The following GLT8D2 variants were observed in gnomAD, a reference collection of about 807,000 sequenced individuals.
GLT8D2 encodes the protein glycosyltransferase 8 domain containing 2, also known as glycosyltransferase 8 domain-containing protein 2.
A neutral mutation model predicts 44.5 loss-of-function variants in GLT8D2; 45 were observed. The observed-to-expected ratio is 1.01, with a 90% CI of 0.80 to 1.30. GLT8D2 has a LOEUF of 1.30. Among genes scored for constraint, GLT8D2 ranks in the 50% most tolerant of loss-of-function variants. GLT8D2 has a pLI of 0.00. For synonymous variants in GLT8D2, 156 were observed against 157.2 expected (o/e 0.99, Z 0.06); for missense variants, 400 against 430.4 (o/e 0.93, Z 0.62).
At chr12:104,013,943 TG>T (rs146224516) in intron 4 of GLT8D2, among the ~76,000 whole-genome samples, 1,844 of 152,298 alleles carry the variant, frequency 0.012, 45 homozygotes, top group African/African-American at 0.042. Context: ...CTTGCTTTGT[TG>T]CCTAGGCTGG....
intron 8 of GLT8D2, among the ~76,000 whole-genome samples, chr12:103,994,704 C>T (rs1430977057): frequency 6.6e-6 from 1 of 152,148 alleles, no homozygotes. Flanking sequence ...AGTCTGAGTG[C>T]AGCACTAGTG....
At chr12:104,038,710 G>A (rs1285935653) in intron 1 of GLT8D2, among the ~76,000 whole-genome samples, 1 of 152,136 alleles carries the variant, frequency 6.6e-6, no homozygotes, top group East Asian at 1.9e-4. Flanking sequence ...CGTGAAAATG[G>A]CCATACTGCC....
chr12:104,020,087 A>T (rs969750286), intron 2 of GLT8D2, among the ~76,000 whole-genome samples: 3 of 151,624 alleles, frequency 2.0e-5, no homozygotes, highest in Admixed American at 6.6e-5. Flanking sequence ...ACCCAGCTAA[A>T]TTTTTTTTGT....
chr12:104,045,939 AAG>A (rs1226370186), intron 1 of GLT8D2, among the ~76,000 whole-genome samples: 8 of 113,770 alleles, frequency 7.0e-5, no homozygotes, highest in East Asian at 3.6e-4. Context: ...AAGAAAGAAA[AAG>A]AAAGAAAGAA....
chr12:104,045,530 G>A (rs974033538), intron 1 of GLT8D2, among the ~76,000 whole-genome samples: 1 of 152,172 alleles, frequency 6.6e-6, no homozygotes, highest in African/African-American at 2.4e-5. Flanking sequence ...CTGTGAGTAG[G>A]AAGAAAAGGA....
chr12:103,994,510 G>A lies in GLT8D2; in HGVS notation c.601-9C>T. ...TAGCCCATATATGTGTTCTGTAAGG[G>A]AACAGGATGTGCATGCTTTTGACCA... On this transcript the variant is annotated splice_polypyrimidine_tract_variant and intron_variant, in intron 8 of 10. Transcript: ENST00000360814. 8 of 1,596,410 alleles carry A rather than the reference G, an allele frequency of 5.0e-6. No individual in the cohort carries two copies. Among genetic ancestry groups the A allele is most frequent in the Non-Finnish European group, 6.0e-6 (7 of 1,171,410 alleles).
intron 3 of GLT8D2, among the ~76,000 whole-genome samples, chr12:104,016,810 A>AAG (rs1566199750): frequency 1.2e-4 from 16 of 136,650 alleles, no homozygotes; most frequent in African/African-American, 4.1e-4. Flanking sequence ...AAGGAAGGAA[A>AAG]GAAAGAAAGA....
chr12:103,994,032 ACT>A (rs1014061682), intron 9 of GLT8D2: 6 of 188,616 alleles, frequency 3.2e-5, no homozygotes, highest in Admixed American at 1.8e-4. Context: ...AGGAGGGGAA[ACT>A]CAACTAAGAT....
chr12:104,007,263 T>TCTCTCTCTCTCTCTCTCTCTCTCTCC (rs1240190332), intron 4 of GLT8D2, among the ~76,000 whole-genome samples: 1 of 147,076 alleles, frequency 6.8e-6, no homozygotes, highest in East Asian at 2.0e-4. Flanking sequence ...TCTCTCTCTC[T>TCTCTCTCTCTCTCTCTCTCTCTCTCC]CTCCCCCCGC....
chr12:104,010,257 C>A (rs960527597), intron 4 of GLT8D2, among the ~76,000 whole-genome samples: 1 of 152,196 alleles, frequency 6.6e-6, no homozygotes, highest in Non-Finnish European at 1.5e-5. Context: ...AGCCTCACCT[C>A]CTTCTATTTT....
chr12:103,996,838 T>A lies in GLT8D2; in HGVS notation c.497A>T (p.Gln166Leu), dbSNP rs1032803475. The change falls in exon 8 of 11, where the codon CAA becomes CTA. Residue 166 changes from glutamine to leucine, a missense_variant. Transcript: ENST00000360814. The part of the protein sequence containing the change: ...DDDVIVQGDI[Q>L]ELYDTTLALG... Reference sequence around the variant, plus strand: ...GGCCAAGGTGGTGTCATACAGTTCTTGGATATCACCTGAATTTAGAAACAC... The same window carrying A: ...GGCCAAGGTGGTGTCATACAGTTCTAGGATATCACCTGAATTTAGAAACAC... The A allele has an allele frequency of 6.2e-7, 1 of 1,611,298 alleles. No homozygotes were observed. Among genetic ancestry groups the A allele is most frequent in the Non-Finnish European group, 8.5e-7 (1 of 1,178,546 alleles).
chr12:104,019,650 T>C lies in GLT8D2; in HGVS notation c.-2A>G. 6.2e-7 allele frequency: 1 copy of C among 1,610,368 alleles called. No homozygotes were observed. The highest frequency in any genetic ancestry group is 8.5e-7 in the Non-Finnish European group (1 of 1,177,406). On this transcript the variant is annotated 5_prime_UTR_variant, in exon 3 of 11. Transcript: ENST00000360814. ...CTTACTTTTTCGTAACAGAGCCATG[T>C]GTATTCACGCGGATAAGAACTGTAA...
chr12:104,038,276 T>C (rs1232602652), intron 1 of GLT8D2, among the ~76,000 whole-genome samples: 4 of 152,164 alleles, frequency 2.6e-5, no homozygotes, highest in African/African-American at 9.7e-5. Context: ...TTCAACATAG[T>C]GTTGGAAGTT....
intron 1 of GLT8D2, among the ~76,000 whole-genome samples, chr12:104,061,665 T>C (rs1882659137): frequency 6.6e-6 from 1 of 152,140 alleles, no homozygotes; most frequent in Non-Finnish European, 1.5e-5. Flanking sequence ...CCTTTCCAAA[T>C]TCTCTTTGGA....
chr12:104,007,664 G>A (rs1462972725), intron 4 of GLT8D2, among the ~76,000 whole-genome samples: 2 of 152,206 alleles, frequency 1.3e-5, no homozygotes, highest in African/African-American at 4.8e-5. Context: ...AATTAGGAGT[G>A]ATTTTGATTT....
intron 10 of GLT8D2, among the ~76,000 whole-genome samples, chr12:103,992,313 T>C (rs1872841546): frequency 6.6e-6 from 1 of 152,132 alleles, no homozygotes; most frequent in Admixed American, 6.5e-5. Flanking sequence ...GAGTACAGAG[T>C]CAACTGCTTT....
Position 104,012,186 on chromosome 12 carries a change from A to AT in GLT8D2, c.112+2826_112+2827insA, listed in dbSNP as rs1875938558. On this transcript the variant is annotated intron_variant, in intron 4 of 10. Transcript: ENST00000360814. ...ACTCTGTCTCAAAAAAAAAAAAAAA[A>AT]AAAATATATATATATATATATATAT... Among the ~76,000 whole-genome samples the AT allele has an allele frequency of 7.3e-3, 620 of 85,016 alleles. 1 individual carries two copies. Among genetic ancestry groups the AT allele is most frequent in the South Asian group, 0.017 (48 of 2,860 alleles). 55.8% of individuals were successfully genotyped at this position (85,016 alleles called of 152,430 possible).
At chr12:103,993,542 GC>G in intron 9 of GLT8D2, 38 bp from the exon 10 acceptor site, 1 of 1,365,814 alleles carries the variant, frequency 7.3e-7, no homozygotes, top group Non-Finnish European at 1.0e-6. Flanking sequence ...TTGGCCTGGA[GC>G]CCCCACAAAC....
intron 6 of GLT8D2, 150 bp from the exon 7 acceptor site, chr12:103,997,685 G>C (rs975586342): frequency 1.6e-6 from 1 of 616,002 alleles, no homozygotes. Flanking sequence ...TGTCTCATCT[G>C]AGCTTCCCAG....
Sources: gnomAD v4.1 joint callset for allele counts (sites outside exome capture counted in the v4.1 genomes callset) on GRCh38, gnomAD v4.1.1 for gene constraint, MANE v1.5 for transcripts, NCBI Gene and HGNC (gene_info 2026-07-23, HGNC 2026-07-21) for gene names.